Variants in DDAH1 observed in about 807,000 individuals in gnomAD.
DDAH1 encodes the protein dimethylarginine dimethylaminohydrolase 1.
DDAH1 carries 19 observed loss-of-function variants against 28.8 expected under a neutral mutation model. The ratio of observed to expected loss-of-function variants is 0.66; its 90% CI spans 0.46 to 0.97. DDAH1 has a LOEUF of 0.97. DDAH1 is among the 50% of genes least tolerant of loss of function. DDAH1 has a pLI of 0.00. For synonymous variants in DDAH1, 153 were observed against 154.4 expected (o/e 0.99, Z 0.07); for missense variants, 326 against 375.9 (o/e 0.87, Z 1.10).
chr1:85,385,750 A>G (rs947122478), intron 1 of DDAH1, among the ~76,000 whole-genome samples: 19 of 152,332 alleles, frequency 1.2e-4, no homozygotes, highest in African/African-American at 4.3e-4. Flanking sequence ...TTATAAAGGA[A>G]TACCTGAAGC....
At chr1:85,566,906 C>G (rs1050161423) in intron 1 of DDAH1, among the ~76,000 whole-genome samples, 1 of 152,102 alleles carries the variant, frequency 6.6e-6, no homozygotes, top group Non-Finnish European at 1.5e-5. Flanking sequence ...TGCTGGAGAC[C>G]TAGGGGAGCT....
chr1:85,409,848 CTTAAG>C (rs1652565765), intron 1 of DDAH1, among the ~76,000 whole-genome samples: 1 of 152,168 alleles, frequency 6.6e-6, no homozygotes, highest in Non-Finnish European at 1.5e-5. Context: ...TTTGTCAAAT[CTTAAG>C]TTATCAGTCA....
chr1:85,459,681 A>G (rs1478129715), intron 1 of DDAH1, among the ~76,000 whole-genome samples: 1 of 152,254 alleles, frequency 6.6e-6, no homozygotes, highest in African/African-American at 2.4e-5. Context: ...GAAACTAAAC[A>G]GAAGTTTGAG....
intron 1 of DDAH1, among the ~76,000 whole-genome samples, chr1:85,407,280 C>G (rs188637715): frequency 5.3e-5 from 8 of 152,290 alleles, no homozygotes; most frequent in Admixed American, 2.6e-4. Context: ...AGAATAAAGC[C>G]TCAGTATGCT....
chr1:85,446,237 C>T (rs184056346), intron 1 of DDAH1, among the ~76,000 whole-genome samples: 28 of 152,166 alleles, frequency 1.8e-4, no homozygotes, highest in African/African-American at 5.5e-4. Context: ...AGGAAACTTA[C>T]GATCATGGCA....
chr1:85,571,704 C>G (rs894851383), intron 1 of DDAH1, among the ~76,000 whole-genome samples: 4 of 151,950 alleles, frequency 2.6e-5, no homozygotes, highest in Admixed American at 6.6e-5. Context: ...TCTAATTCTC[C>G]CAAAGACATT....
At chr1:85,448,679 G>A (rs1372845817) in intron 1 of DDAH1, among the ~76,000 whole-genome samples, 2 of 152,090 alleles carry the variant, frequency 1.3e-5, no homozygotes, top group Non-Finnish European at 2.9e-5. Context: ...CTTTGTTCCT[G>A]TTCTACATAA....
At chr1:85,363,050 A>G (rs548365614) in intron 1 of DDAH1, among the ~76,000 whole-genome samples, 1 of 152,350 alleles carries the variant, frequency 6.6e-6, no homozygotes, top group Non-Finnish European at 1.5e-5. Flanking sequence ...ATAACTTGTT[A>G]TAGCACTGTT....
intron 1 of DDAH1, among the ~76,000 whole-genome samples, chr1:85,531,271 C>T (rs544994696): frequency 6.6e-6 from 1 of 151,944 alleles, no homozygotes; most frequent in African/African-American, 2.4e-5. Context: ...CATTTAACCC[C>T]ATCTGAGACA....
chr1:85,485,223 G>C (rs1268915767), intron 2 of DDAH1, among the ~76,000 whole-genome samples: 2 of 152,068 alleles, frequency 1.3e-5, no homozygotes, highest in African/African-American at 4.8e-5. Context: ...TGACAACACA[G>C]AGAGACACAT....
intron 1 of DDAH1, among the ~76,000 whole-genome samples, chr1:85,379,913 GC>G (rs1352702189): frequency 6.6e-6 from 1 of 152,116 alleles, no homozygotes; most frequent in African/African-American, 2.4e-5. Flanking sequence ...ATTCCCTGTT[GC>G]CTGAATGATT....
intron 2 of DDAH1, among the ~76,000 whole-genome samples, chr1:85,479,168 T>C (rs891246125): frequency 8.3e-4 from 107 of 128,846 alleles, no homozygotes; most frequent in African/African-American, 1.8e-3. Flanking sequence ...TCTTTTTTTT[T>C]TTTTTTTTTT....
At chr1:85,333,363 G>A (rs1647899370) in intron 4 of DDAH1, among the ~76,000 whole-genome samples, 1 of 152,146 alleles carries the variant, frequency 6.6e-6, no homozygotes, top group African/African-American at 2.4e-5. Flanking sequence ...AAAAATTGGA[G>A]GAAGTGACTG....
intron 2 of DDAH1, among the ~76,000 whole-genome samples, chr1:85,472,064 C>T (rs1655636440): frequency 6.6e-6 from 1 of 152,200 alleles, no homozygotes; most frequent in Non-Finnish European, 1.5e-5. Flanking sequence ...AACCAAAATG[C>T]CTTTTTCTCC....
intron 1 of DDAH1, among the ~76,000 whole-genome samples, chr1:85,381,493 C>G (rs1428497933): frequency 8.6e-5 from 13 of 151,140 alleles, no homozygotes; most frequent in Admixed American, 6.0e-4. Flanking sequence ...CCTTCACCCC[C>G]CTCCCAACCT....
intron 1 of DDAH1, among the ~76,000 whole-genome samples, chr1:85,543,502 A>T (rs1658531075): frequency 1.3e-5 from 2 of 152,192 alleles, no homozygotes. Flanking sequence ...TCAAGGAAAC[A>T]TTTCCACAGC....
At chr1:85,567,713 A>T (rs2100560105) in intron 1 of DDAH1, among the ~76,000 whole-genome samples, 1 of 152,382 alleles carries the variant, frequency 6.6e-6, no homozygotes, top group South Asian at 2.1e-4. Context: ...TAACAACAGA[A>T]GTTCAAAATA....
At chr1:85,366,694 C>A (rs1650093176) in intron 1 of DDAH1, among the ~76,000 whole-genome samples, 1 of 151,980 alleles carries the variant, frequency 6.6e-6, no homozygotes, top group Admixed American at 6.6e-5. Flanking sequence ...CAATCAGAGG[C>A]AAGAGGCTGG....
chr1:85,372,777 A>C (rs556412843), intron 1 of DDAH1, among the ~76,000 whole-genome samples: 4 of 152,142 alleles, frequency 2.6e-5, no homozygotes, highest in Non-Finnish European at 4.4e-5. Context: ...GCAGAGTATA[A>C]TGAAATTAGA....
Sources: gnomAD v4.1 joint callset for allele counts (sites outside exome capture counted in the v4.1 genomes callset) on GRCh38, gnomAD v4.1.1 for gene constraint, MANE v1.5 for transcripts, NCBI Gene and HGNC (gene_info 2026-07-23, HGNC 2026-07-21) for gene names.